Variants in FAT3 observed in about 807,000 individuals in gnomAD.
The protein encoded by FAT3 is FAT atypical cadherin 3.
FAT3 carries 95 observed loss-of-function variants against 310.2 expected under a neutral mutation model. The ratio of observed to expected loss-of-function variants is 0.31; its 90% confidence interval spans 0.26 to 0.36. The LOEUF (loss-of-function observed/expected upper bound fraction) is 0.36, where lower values mean the gene tolerates loss of function less well. Ranked by LOEUF, FAT3 falls within the 10% of genes least tolerant of loss-of-function variation. FAT3 has a pLI of 1.00. For synonymous variants in FAT3, 2,314 were observed against 2,192.9 expected (o/e 1.06, Z -1.54); for missense variants, 5,408 against 5,715.6 (o/e 0.95, Z 1.74).
At chr11:92,276,849 C>T (rs778890004) in intron 1 of FAT3, among the ~76,000 whole-genome samples, 2 of 152,144 alleles carry the variant, frequency 1.3e-5, no homozygotes, top group Non-Finnish European at 2.9e-5. Context: ...ACTGGTATAA[C>T]CTCGTAGGAC....
At chr11:92,646,686 G>A (rs1019780302) in intron 3 of FAT3, among the ~76,000 whole-genome samples, 1 of 152,176 alleles carries the variant, frequency 6.6e-6, no homozygotes, top group African/African-American at 2.4e-5. Context: ...TGAGTTTTGG[G>A]CTGAGCCTGG....
At chr11:92,459,611 G>A in intron 2 of FAT3, among the ~76,000 whole-genome samples, 1 of 152,166 alleles carries the variant, frequency 6.6e-6, no homozygotes, top group East Asian at 1.9e-4. Context: ...GGAAGTATTT[G>A]ATGATAGAAT....
chr11:92,432,492 G>T (rs372188775), intron 2 of FAT3, among the ~76,000 whole-genome samples: 2 of 152,168 alleles, frequency 1.3e-5, no homozygotes, highest in African/African-American at 4.8e-5. Context: ...CTTTCTGTTT[G>T]TTAGTTTTTC....
intron 3 of FAT3, among the ~76,000 whole-genome samples, chr11:92,616,279 A>C (rs1940799282): frequency 6.6e-6 from 1 of 151,986 alleles, no homozygotes; most frequent in South Asian, 2.1e-4. Context: ...AGTTTGTTTT[A>C]TCAGAGACTG....
chr11:92,778,954 G>C (rs550821276), intron 7 of FAT3, among the ~76,000 whole-genome samples: 5 of 152,274 alleles, frequency 3.3e-5, no homozygotes, highest in African/African-American at 1.2e-4. Context: ...TTCTGTGGGA[G>C]AAAGGGGTAC....
chr11:92,256,610 A>C (rs1191239806), intron 1 of FAT3, among the ~76,000 whole-genome samples: 1 of 152,136 alleles, frequency 6.6e-6, no homozygotes, highest in Non-Finnish European at 1.5e-5. Flanking sequence ...TTCTAAATGC[A>C]AGGTGCTGAG....
chr11:92,756,034 C>A (rs537937064), intron 4 of FAT3, among the ~76,000 whole-genome samples: 1 of 152,316 alleles, frequency 6.6e-6, no homozygotes, highest in Admixed American at 6.5e-5. Flanking sequence ...AATTCATTCT[C>A]TGTGGAGCTC....
chr11:92,883,296 G>T lies in FAT3; in HGVS notation c.12840G>T (p.Val4280=), dbSNP rs766053591. ...SPRILTARRG[V]VVCSVAPNLP... ...GCATCCTGACAGCCCGGCGGGGCGT[G>T]GTCGTGTGCAGTGTGGCCCCCAACC... The change falls in exon 24 of 28, where the codon GTG becomes GTT. Residue 4280 remains valine (V), a synonymous_variant. Coordinates refer to ENST00000525166, the MANE Select transcript of FAT3 (RefSeq NM_001367949.2). The surrounding 1 kb of genome is among the most constrained non-coding windows in gnomAD (Gnocchi z 4.2). 1 of 1,612,648 alleles carries T rather than the reference G, an allele frequency of 6.2e-7. No homozygotes were observed. The highest frequency in any genetic ancestry group is 8.5e-7 in the Non-Finnish European group (1 of 1,179,836).
intron 16 of FAT3, among the ~76,000 whole-genome samples, 178 bp downstream of exon 16, chr11:92,836,881 C>T (rs1339420897): frequency 6.6e-6 from 1 of 152,052 alleles, no homozygotes; most frequent in African/African-American, 2.4e-5. Context: ...GAATTTTCTA[C>T]CTATAATAGA....
chr11:92,849,641 A>T (rs1170281671), intron 19 of FAT3, among the ~76,000 whole-genome samples: 7 of 152,236 alleles, frequency 4.6e-5, no homozygotes, highest in Non-Finnish European at 1.0e-4. Context: ...CGGAGGAAGC[A>T]TAAAGGAGGG....
chr11:92,499,760 G>T (rs1952882204), intron 2 of FAT3, among the ~76,000 whole-genome samples: 1 of 131,204 alleles, frequency 7.6e-6, no homozygotes, highest in African/African-American at 4.2e-5. Context: ...TGTGTGAAAA[G>T]TCACCATGAT....
intron 2 of FAT3, among the ~76,000 whole-genome samples, chr11:92,379,019 C>A (rs188456751): frequency 2.8e-4 from 42 of 152,270 alleles, no homozygotes; most frequent in Admixed American, 2.6e-3. Context: ...TTTGGGTGCA[C>A]AAAACGTTCA....
Position 92,678,360 on chromosome 11 carries a change from G to A in FAT3, c.3608-19024G>A, listed in dbSNP as rs191374408. ...CCTTTTGTTATTTGGGTGTGGAGAGGTGGAGTTTTCCTTTTGATTCAGTTC... is the reference window on the plus strand; with the variant it reads ...CCTTTTGTTATTTGGGTGTGGAGAGATGGAGTTTTCCTTTTGATTCAGTTC... On this transcript the variant is annotated intron_variant, in intron 3 of 27. Transcript: ENST00000525166. 2.7e-3 allele frequency among the ~76,000 whole-genome samples: 415 copies of A among 152,248 alleles called. 2 individuals are homozygous for A. Among genetic ancestry groups the A allele is most frequent in the African/African-American group, 9.5e-3 (396 of 41,544 alleles).
intron 2 of FAT3, among the ~76,000 whole-genome samples, chr11:92,493,889 C>T (rs590341): frequency 6.6e-6 from 1 of 152,040 alleles, no homozygotes; most frequent in African/African-American, 2.4e-5. Flanking sequence ...ACAGGAGTTT[C>T]TGAGGCTGAA....
At position 92,524,940 on chromosome 11, in the gene FAT3, T is replaced by G; in HGVS notation, c.3599T>G (p.Ile1200Ser). ...GNPQNFFAIN[I>S]KTGLITTTSR... Reference sequence around the variant, plus strand: ...CCTCAGAATTTTTTTGCCATCAATATCAAAACAGGTAAGGGAATGCTTATA... The same window carrying G: ...CCTCAGAATTTTTTTGCCATCAATAGCAAAACAGGTAAGGGAATGCTTATA... The change falls in exon 3 of 28, where the codon ATC (isoleucine) becomes AGC (serine). Residue 1200 changes from isoleucine (I) to serine (S), a missense_variant. Physicochemically the swap from Ile to Ser is moderately radical, Grantham distance 142. Around this residue, in one of 5 missense-constraint regions of FAT3, gnomAD observed 4,588 missense variants for 4,809.8 expected, o/e 0.95. Coordinates refer to ENST00000525166, the MANE Select transcript of FAT3 (RefSeq NM_001367949.2). 6.2e-7 allele frequency: 1 copy of G among 1,613,210 alleles called. No individual in the cohort carries two copies. The highest frequency in any genetic ancestry group is 8.5e-7 in the Non-Finnish European group (1 of 1,179,492).
rs1039926370 is a variant in FAT3 at position 92,277,351 on chromosome 11, A to G, written c.-18+52177A>G. 1.1e-3 allele frequency among the ~76,000 whole-genome samples: 167 copies of G among 152,132 alleles called. 12 individuals carry two copies. Among genetic ancestry groups the G allele is most frequent in the Non-Finnish European group, 1.5e-5 (1 of 68,020 alleles). ...TGTTTCATGCAAGACAGAGCAGATC[A>G]TTACTGGATATATACCCAAGGAAAA... On this transcript the variant is annotated intron_variant, in intron 1 of 27. Transcript: ENST00000525166.
At chr11:92,671,076 GCT>G (rs1235183552) in intron 3 of FAT3, among the ~76,000 whole-genome samples, 2 of 151,306 alleles carry the variant, frequency 1.3e-5, no homozygotes, top group Non-Finnish European at 2.9e-5. Flanking sequence ...ACAGAGTCTC[GCT>G]CTGTCATCCA....
At chr11:92,360,762 A>G (rs1326882310) in intron 2 of FAT3, among the ~76,000 whole-genome samples, 3 of 152,202 alleles carry the variant, frequency 2.0e-5, no homozygotes, top group Non-Finnish European at 2.9e-5. Context: ...TCAAGTACCT[A>G]TTATGTGCCA....
chr11:92,838,356 A>G (rs958023267), intron 17 of FAT3, among the ~76,000 whole-genome samples: 5 of 152,244 alleles, frequency 3.3e-5, no homozygotes, highest in African/African-American at 9.6e-5. Context: ...TTTGTTTAAC[A>G]CTTTAAATCC....
Sources: gnomAD v4.1 joint callset for allele counts (sites outside exome capture counted in the v4.1 genomes callset) on GRCh38, gnomAD v4.1.1 for gene constraint, gnomAD v4.1.1 regional missense constraint, Gnocchi (gnomAD v3.1) non-coding constraint, MANE v1.5 for transcripts, NCBI Gene and HGNC (gene_info 2026-07-23, HGNC 2026-07-21) for gene names.